Variants in LGALS14 observed in about 807,000 individuals in gnomAD.
LGALS14 encodes the protein placental protein 13-like.
In LGALS14, 14 loss-of-function variants were observed where a neutral mutation model predicts 14.6. That is an observed-to-expected ratio of 0.96 (90% CI 0.64 to 1.50). The LOEUF is 1.50. Ranked by LOEUF, LGALS14 falls within the 40% of genes most tolerant of loss-of-function variation. The pLI, the probability that LGALS14 is intolerant of heterozygous loss-of-function variation, is 0.00. For synonymous variants in LGALS14, 57 were observed against 63.9 expected (o/e 0.89, Z 0.51); for missense variants, 180 against 172.0 (o/e 1.05, Z -0.26).
At chr19:39,705,881 C>T (rs373713991) in intron 1 of LGALS14, 98 of 1,611,502 alleles carry the variant, frequency 6.1e-5, no homozygotes, top group African/African-American at 5.3e-5. Context: ...TTGCAGTCGT[C>T]GTAGAAATCA....
chr19:39,707,120 G>T, intron 2 of LGALS14, 58 bp from the exon 3 acceptor site: 1 of 1,289,332 alleles, frequency 7.8e-7, no homozygotes, highest in Admixed American at 1.7e-5. Context: ...TGTGTGTGGC[G>T]AGTGTGTGTC....
chr19:39,708,542 C>G (rs897154968), intron 3 of LGALS14, among the ~76,000 whole-genome samples: 6 of 152,090 alleles, frequency 3.9e-5, no homozygotes, highest in African/African-American at 1.4e-4. Context: ...TCTCTATAGC[C>G]TCGACATAAG....
chr19:39,707,298 A>G lies in LGALS14; in HGVS notation c.213A>G (p.Ile71Met), dbSNP rs1353604818. 1 of 1,614,142 alleles carries G rather than the reference A, an allele frequency of 6.2e-7. No homozygotes were observed. Among genetic ancestry groups the G allele is most frequent in the South Asian group, 1.1e-5 (1 of 91,084 alleles). ...PAIMNSCVFG[I>M]WRYEEKCYYL... ...TCATGAACAGTTGTGTGTTTGGCAT[A>G]TGGAGATATGAGGAGAAATGCTACT... is the stretch of plus-strand genomic sequence containing the variant. The change falls in exon 3 of 4, where the codon ATA becomes ATG. Residue 71 changes from isoleucine to methionine, a missense_variant. Physicochemically the swap from Ile to Met is conservative, Grantham distance 10. Transcript: ENST00000392052.
Position 39,709,254 on chromosome 19 carries a change from G to T in LGALS14, c.361G>T (p.Val121Leu). The change falls in exon 4 of 4, where the codon GTG (valine) becomes TTG (leucine). Residue 121 changes from valine (V) to leucine (L), a missense_variant. Transcript: ENST00000392052. The part of the protein sequence containing the change: ...NFAHRFPPAS[V>L]KMLQVFRDIS... ...TGCCCATCGATTCCCGCCAGCATCT[G>T]TGAAGATGCTGCAAGTCTTCAGAGA... The T allele has an allele frequency of 1.2e-6, 2 of 1,613,414 alleles. No individual in the cohort carries two copies. Among genetic ancestry groups the T allele is most frequent in the East Asian group, 2.2e-5 (1 of 44,856 alleles).
chr19:39,707,254 C>T lies in LGALS14; in HGVS notation c.169C>T (p.His57Tyr). 6.2e-7 allele frequency: 1 copy of T among 1,614,090 alleles called. No homozygotes were observed. Among genetic ancestry groups the T allele is most frequent in the South Asian group, 1.1e-5 (1 of 91,086 alleles). Residue 57 changes from histidine to tyrosine, a missense_variant, in exon 3 of 4, where the codon CAC becomes TAC. Transcript: ENST00000392052. ...AGATATTGCTTTCCAATTCCGACTG[C>T]ACTTTGGTCATCCTGCAATCATGAA... ...DSDIAFQFRL[H>Y]FGHPAIMNSC... is the part of the protein sequence containing the mutation.
intron 3 of LGALS14, 23 bp downstream of exon 3, chr19:39,707,411 G>C (rs1292381774): frequency 6.3e-7 from 1 of 1,596,032 alleles, no homozygotes; most frequent in Non-Finnish European, 8.6e-7. Context: ...GGATCTTCCA[G>C]CGCTGGAGCT....
intron 3 of LGALS14, among the ~76,000 whole-genome samples, chr19:39,708,045 T>C (rs1029961526): frequency 6.6e-6 from 1 of 152,202 alleles, no homozygotes; most frequent in Non-Finnish European, 1.5e-5. Flanking sequence ...CCCGACCTTG[T>C]GTGATTTGCT....
chr19:39,708,304 A>G (rs1253919117), intron 3 of LGALS14, among the ~76,000 whole-genome samples: 1 of 152,212 alleles, frequency 6.6e-6, no homozygotes, highest in Non-Finnish European at 1.5e-5. Context: ...ATAATATTGC[A>G]TTAAAAAGTT....
chr19:39,707,270 C>A lies in LGALS14; in HGVS notation c.185C>A (p.Ala62Glu). ...FQFRLHFGHPAIMNSCVFGIW... is the reference protein window; with the variant it reads ...FQFRLHFGHPEIMNSCVFGIW... The stretch of plus-strand genomic sequence containing the variant: ...TTCCGACTGCACTTTGGTCATCCTG[C>A]AATCATGAACAGTTGTGTGTTTGGC... The change falls in exon 3 of 4, where the codon GCA becomes GAA. Residue 62 changes from alanine to glutamate, a missense_variant. Physicochemically the swap from Ala to Glu is moderately radical, Grantham distance 107. Transcript: ENST00000392052. 6.2e-7 allele frequency: 1 copy of A among 1,614,054 alleles called. No individual in the cohort carries two copies. The highest frequency in any genetic ancestry group is 8.5e-7 in the Non-Finnish European group (1 of 1,179,914).
At chr19:39,705,890 C>A in intron 1 of LGALS14, 1 of 1,612,308 alleles carries the variant, frequency 6.2e-7, no homozygotes, top group Non-Finnish European at 8.5e-7. Flanking sequence ...TCGTAGAAAT[C>A]AATCATTCCC....
At chr19:39,706,534 C>A in intron 1 of LGALS14, 63 bp from the exon 2 acceptor site, 2 of 1,195,536 alleles carry the variant, frequency 1.7e-6, no homozygotes, top group Non-Finnish European at 1.2e-6. Context: ...CCATGGGAAT[C>A]TGTTACATAG....
chr19:39,709,089 A>G (rs1332014847), intron 3 of LGALS14, 108 bp from the exon 4 acceptor site: 2 of 771,296 alleles, frequency 2.6e-6, no homozygotes, highest in East Asian at 2.4e-5. Flanking sequence ...CACTTGTGTA[A>G]CTAGGAGTTT....
chr19:39,707,538 G>T (rs1973733739), intron 3 of LGALS14, 150 bp downstream of exon 3: 2 of 685,384 alleles, frequency 2.9e-6, no homozygotes, highest in Non-Finnish European at 5.1e-6. Flanking sequence ...CCCTCTGCTT[G>T]CACTGCCATC....
intron 1 of LGALS14, chr19:39,705,794 G>C: frequency 7.7e-7 from 1 of 1,294,276 alleles, no homozygotes; most frequent in African/African-American, 1.5e-5. Context: ...TCAGTGAGCT[G>C]TGATTGCACC....
At chr19:39,705,321 C>T (rs1973698147) in intron 1 of LGALS14, among the ~76,000 whole-genome samples, 1 of 152,180 alleles carries the variant, frequency 6.6e-6, no homozygotes, top group Admixed American at 6.5e-5. Flanking sequence ...TGGCTTTTGC[C>T]TCCCAGGCTC....
At position 39,704,563 on chromosome 19, in the gene LGALS14, C is replaced by T. The variant is rs1461023768; in HGVS notation, c.15+20C>T. 5 of 1,612,068 alleles carry T rather than the reference C, an allele frequency of 3.1e-6. No homozygotes were observed. In the African/African-American group the frequency reaches 5.3e-5, roughly 17 times the overall value. ...CTACCCGTGAGTTGAAAAGTCACAG[C>T]CTTCAATAATCTCAAGTCACATAAA... is the stretch of plus-strand genomic sequence containing the variant. On this transcript the variant is annotated intron_variant, in intron 1 of 3. Transcript: ENST00000392052.
chr19:39,708,965 C>T (rs139713597), intron 3 of LGALS14, among the ~76,000 whole-genome samples: 50 of 152,230 alleles, frequency 3.3e-4, no homozygotes, highest in African/African-American at 1.1e-3. Context: ...CTGTGTGACA[C>T]GGTGTATAAC....
Position 39,709,409 on chromosome 19 carries a change from C to A in LGALS14, c.*96C>A. On this transcript the variant is annotated 3_prime_UTR_variant, in exon 4 of 4. Transcript: ENST00000392052. ...CTAACAGAATAATCCCTCCTCACCC[C>A]TTCCCCTACACTTGATCATTAAAAC... 1 of 721,732 alleles carries A rather than the reference C, an allele frequency of 1.4e-6. No individual in the cohort carries two copies. The highest frequency in any genetic ancestry group is 2.5e-5 in the East Asian group (1 of 40,086). The allele number at this position is 721,732 out of a possible 1,614,324, so 44.7% of individuals were successfully genotyped here. A position where few individuals can be genotyped will look rare whatever the true frequency, so the allele number is the denominator to read the frequency against.
rs1217062512 is a variant in LGALS14, at chr19:39,707,186, C to T, written c.101C>T (p.Pro34Leu). The change falls in exon 3 of 4, where the codon CCA (proline) becomes CTA (leucine). Residue 34 changes from proline (P) to leucine (L), a missense_variant. Coordinates refer to ENST00000392052, the MANE Select transcript of LGALS14 (RefSeq NM_020129.3). ...GTPILTFVKD[P>L]QLEVNFYTGM... The stretch of plus-strand genomic sequence containing the variant: ...GTGTGCTTTGACCTCAGCAAGGACC[C>T]ACAGCTGGAGGTGAATTTCTACACT... The T allele has an allele frequency of 1.9e-6, 3 of 1,613,694 alleles. No individual in the cohort carries two copies. Among genetic ancestry groups the T allele is most frequent in the East Asian group, 2.2e-5 (1 of 44,834 alleles).
Sources: allele counts gnomAD v4.1 joint callset (sites outside exome capture counted in the v4.1 genomes callset), GRCh38; gene constraint gnomAD v4.1.1; transcripts MANE v1.5; gene names NCBI Gene and HGNC (gene_info 2026-07-23, HGNC 2026-07-21).